Variants in UPF2 observed in about 807,000 individuals in gnomAD.
UPF2 encodes the protein UPF2 regulator of nonsense mediated mRNA decay.
A neutral mutation model predicts 141.4 loss-of-function variants in UPF2; 17 were observed. The observed-to-expected ratio is 0.12, with a 90% CI of 0.08 to 0.18. UPF2 has a LOEUF of 0.18. Among genes scored for constraint, UPF2 ranks in the 10% least tolerant of loss-of-function variants. UPF2 has a pLI of 1.00. For missense variants in UPF2, 1,152 were observed against 1,515.9 expected (o/e 0.76, Z 3.99); for synonymous variants, 540 against 498.0 (o/e 1.08, Z -1.12).
intron 9 of UPF2, among the ~76,000 whole-genome samples, chr10:11,976,863 G>A (rs1206215431): frequency 6.6e-6 from 1 of 152,220 alleles, no homozygotes; most frequent in Non-Finnish European, 1.5e-5. Context: ...GGAGCTGCAT[G>A]TGCATTATTT....
Position 11,953,796 on chromosome 10 carries a change from G to A in UPF2, c.2850+1436C>T, listed in dbSNP as rs1419779280. Among the ~76,000 whole-genome samples the A allele has an allele frequency of 6.6e-6, 1 of 152,148 alleles. No individual in the cohort carries two copies. Among genetic ancestry groups the A allele is most frequent in the African/African-American group, 2.4e-5 (1 of 41,434 alleles). Reference sequence around the variant, plus strand: ...TTTGCTCATCAATTCAGAAAGTAAGGGAGTAATAGGTTTCCCTCTACTGCA... The same window carrying A: ...TTTGCTCATCAATTCAGAAAGTAAGAGAGTAATAGGTTTCCCTCTACTGCA... On this transcript the variant is annotated intron_variant, in intron 14 of 21. Coordinates refer to ENST00000357604, the MANE Select transcript of UPF2 (RefSeq NM_015542.4). This position sits in a 1 kb window ranked among gnomAD's most constrained non-coding sequence, Gnocchi z 5.0.
chr10:11,966,166 G>A (rs900580767), intron 10 of UPF2, among the ~76,000 whole-genome samples: 16 of 152,078 alleles, frequency 1.1e-4, no homozygotes, highest in African/African-American at 3.4e-4. Context: ...TGCTGCTGTT[G>A]GATATAGTAT....
intron 18 of UPF2, 93 bp downstream of exon 18, chr10:11,942,572 C>A: frequency 2.7e-6 from 3 of 1,129,986 alleles, no homozygotes; most frequent in Non-Finnish European, 2.6e-6. Context: ...AGAAGAGACA[C>A]TTAGATAGGA....
intron 18 of UPF2, 75 bp downstream of exon 18, chr10:11,942,587 CCTT>C: frequency 7.7e-7 from 1 of 1,295,642 alleles, no homozygotes; most frequent in Middle Eastern, 2.1e-4. Context: ...ATAGGAGAGG[CCTT>C]CACATGAACC....
intron 4 of UPF2, among the ~76,000 whole-genome samples, 199 bp downstream of exon 4, chr10:12,013,825 C>A (rs1401456595): frequency 6.6e-6 from 1 of 152,112 alleles, no homozygotes; most frequent in Non-Finnish European, 1.5e-5. Flanking sequence ...CTATCAAACT[C>A]CTGGTCTCAA....
At chr10:12,018,662 G>C (rs973162735) in intron 3 of UPF2, among the ~76,000 whole-genome samples, 1 of 152,130 alleles carries the variant, frequency 6.6e-6, no homozygotes, top group African/African-American at 2.4e-5. Flanking sequence ...TGAGGTGGGA[G>C]GATCACCTGA....
intron 3 of UPF2, among the ~76,000 whole-genome samples, chr10:12,015,335 C>T (rs1316816082): frequency 6.6e-6 from 1 of 152,164 alleles, no homozygotes; most frequent in African/African-American, 2.4e-5. Flanking sequence ...TTATTCTTCC[C>T]AGATTATTTG....
At chr10:11,973,481 C>A (rs1833454574) in intron 9 of UPF2, among the ~76,000 whole-genome samples, 1 of 152,126 alleles carries the variant, frequency 6.6e-6, no homozygotes, top group Non-Finnish European at 1.5e-5. Flanking sequence ...TTGAAAGGTA[C>A]TGTCTAGGTT....
chr10:11,962,562 T>C (rs1833256912), intron 11 of UPF2, among the ~76,000 whole-genome samples: 1 of 152,216 alleles, frequency 6.6e-6, no homozygotes, highest in African/African-American at 2.4e-5. Context: ...ATTTCTGCAT[T>C]GTTGTCCCCC....
At position 12,014,115 on chromosome 10, in the gene UPF2, A is replaced by C; in HGVS notation, c.1215T>G (p.Ser405=). The change falls in exon 4 of 22, where the codon TCT becomes TCG. Residue 405 remains serine (S), a synonymous_variant. Transcript: ENST00000357604. This position sits in a 1 kb window ranked among gnomAD's most constrained non-coding sequence, Gnocchi z 5.0. ...GAGAATTTGCCAGCAGCTTCTGGTA[A>C]GACATAGCAAATTCCTCATACTGTT... is the stretch of plus-strand genomic sequence containing the variant. The part of the protein sequence containing the change: ...RHKQYEEFAM[S]YQKLLANSQS... 6.3e-7 allele frequency: 1 copy of C among 1,591,760 alleles called. No individual in the cohort carries two copies. Among genetic ancestry groups the C allele is most frequent in the Non-Finnish European group, 8.6e-7 (1 of 1,167,710 alleles).
chr10:11,930,499 G>A (rs995453461), intron 20 of UPF2, among the ~76,000 whole-genome samples: 4 of 152,310 alleles, frequency 2.6e-5, no homozygotes, highest in Non-Finnish European at 4.4e-5. Context: ...TGTTGGAGCC[G>A]GGTGTGGCGG....
chr10:11,933,856 A>G (rs546665882), intron 19 of UPF2, among the ~76,000 whole-genome samples: 1 of 152,350 alleles, frequency 6.6e-6, no homozygotes, highest in South Asian at 2.1e-4. Context: ...TGACCTTCAA[A>G]AAGAGATATT....
At chr10:11,969,330 C>T (rs1015432634) in intron 9 of UPF2, among the ~76,000 whole-genome samples, 12 of 151,830 alleles carry the variant, frequency 7.9e-5, no homozygotes, top group South Asian at 2.1e-4. Context: ...CCACCATGCC[C>T]GGCTAATTTT....
At chr10:12,033,070 T>C (rs1834556474) in intron 2 of UPF2, among the ~76,000 whole-genome samples, 1 of 152,160 alleles carries the variant, frequency 6.6e-6, no homozygotes, top group Non-Finnish European at 1.5e-5. Context: ...GTGGCTGTTC[T>C]AGAGATCTAT....
At chr10:12,039,765 C>T (rs1834702508) in intron 1 of UPF2, among the ~76,000 whole-genome samples, 1 of 151,984 alleles carries the variant, frequency 6.6e-6, no homozygotes, top group Non-Finnish European at 1.5e-5. Context: ...GGATTACAGG[C>T]ATGTGCCACC....
At chr10:12,026,626 C>T (rs1213171757) in intron 3 of UPF2, 2 of 452,206 alleles carry the variant, frequency 4.4e-6, no homozygotes, top group Non-Finnish European at 8.8e-6. Context: ...AATACCATGA[C>T]CACTGAAAAT....
At chr10:12,004,815 C>T (rs769928015) in intron 4 of UPF2, 88 bp from the exon 5 acceptor site, 3 of 1,304,874 alleles carry the variant, frequency 2.3e-6, no homozygotes, top group South Asian at 2.9e-5. Context: ...AGTTTTACAT[C>T]TATTGAATCT....
intron 11 of UPF2, among the ~76,000 whole-genome samples, chr10:11,960,224 G>A (rs1004960347): frequency 2.0e-5 from 3 of 152,228 alleles, no homozygotes; most frequent in Admixed American, 1.3e-4. Flanking sequence ...ATCATACCAA[G>A]CATTAAGATT....
rs58897556 is a variant in UPF2 at position 11,947,786 on chromosome 10, C to CAAAA, written c.3174+579_3174+582dup. On this transcript the variant is annotated intron_variant, in intron 16 of 21. Transcript: ENST00000357604. ...TTGGCAACAGAGAGAAACCTTGTCT[C>CAAAA]AAAAAAAAAAAAAAAAAAAAAAAGA... Among the ~76,000 whole-genome samples, 185 of 65,542 alleles carry CAAAA rather than the reference C, an allele frequency of 2.8e-3. 1 individual carries two copies. The highest frequency in any genetic ancestry group is 4.9e-3 in the East Asian group (11 of 2,244). 43.0% of individuals were successfully genotyped at this position (65,542 alleles called of 152,430 possible). A position where few individuals can be genotyped will look rare whatever the true frequency, so the allele number is the denominator to read the frequency against.
Sources: gnomAD v4.1 joint callset for allele counts (sites outside exome capture counted in the v4.1 genomes callset) on GRCh38, gnomAD v4.1.1 for gene constraint, Gnocchi (gnomAD v3.1) non-coding constraint, MANE v1.5 for transcripts, NCBI Gene and HGNC (gene_info 2026-07-23, HGNC 2026-07-21) for gene names.